Variants in CTNNA3 observed in about 807,000 individuals in gnomAD.
CTNNA3 encodes catenin alpha 3.
In CTNNA3, 76 loss-of-function variants were observed where a neutral mutation model predicts 95.7. The ratio of observed to expected loss-of-function variants is 0.79; its 90% CI spans 0.66 to 0.96. CTNNA3 has a LOEUF of 0.96. Among genes scored for constraint, CTNNA3 ranks in the 40% least tolerant of loss-of-function variants. The pLI, the probability that CTNNA3 is intolerant of heterozygous loss-of-function variation, is 0.00. For missense variants in CTNNA3, 1,191 were observed against 1,089.8 expected (o/e 1.09, Z -1.31); for synonymous variants, 431 against 374.4 (o/e 1.15, Z -1.74).
intron 1 of CTNNA3, chr10:67,648,888 T>C: frequency 1.1e-6 from 1 of 901,426 alleles, no homozygotes. Context: ...CAAATGCATT[T>C]CTAGAACTGA....
At chr10:66,178,522 T>A (rs2085864782) in intron 13 of CTNNA3, among the ~76,000 whole-genome samples, 2 of 144,530 alleles carry the variant, frequency 1.4e-5, no homozygotes, top group East Asian at 4.1e-4. Context: ...GTTCTTAAAC[T>A]TGACAGCAGA....
At chr10:66,823,018 A>T (rs544867393) in intron 7 of CTNNA3, among the ~76,000 whole-genome samples, 18 of 152,328 alleles carry the variant, frequency 1.2e-4, no homozygotes, top group African/African-American at 4.3e-4. Flanking sequence ...AGACAACTAC[A>T]ATTACCACCC....
In CTNNA3 at chr10:67,491,407, G is replaced by A. The variant is rs117534310; in HGVS notation, c.579+30435C>T. ...AGGAGAAACACATACAGTATGACAAGTGATGGGATAAAAGTATACAGGAAA... is the reference window on the plus strand; with the variant it reads ...AGGAGAAACACATACAGTATGACAAATGATGGGATAAAAGTATACAGGAAA... On this transcript the variant is annotated intron_variant, in intron 5 of 17. Transcript: ENST00000433211. Among the ~76,000 whole-genome samples the A allele has an allele frequency of 9.2e-5, 14 of 152,292 alleles. No homozygotes were observed. In the East Asian group the frequency reaches 1.7e-3, roughly 19 times the overall value.
intron 7 of CTNNA3, among the ~76,000 whole-genome samples, chr10:66,831,191 T>C (rs1387653897): frequency 6.6e-6 from 1 of 152,172 alleles, no homozygotes; most frequent in African/African-American, 2.4e-5. Context: ...ATGGTCTTTT[T>C]AAAATGAAAA....
At chr10:66,521,879 T>A (rs1474924047) in intron 10 of CTNNA3, among the ~76,000 whole-genome samples, 1 of 152,178 alleles carries the variant, frequency 6.6e-6, no homozygotes, top group Non-Finnish European at 1.5e-5. Flanking sequence ...CAATTCAGGA[T>A]CTTGGTCCCA....
intron 9 of CTNNA3, among the ~76,000 whole-genome samples, chr10:66,696,483 A>G (rs1847768496): frequency 6.6e-6 from 1 of 152,202 alleles, no homozygotes; most frequent in South Asian, 2.1e-4. Context: ...ATGCCTTTAA[A>G]GTGAACTAAC....
At chr10:66,767,451 C>A (rs1375868157) in intron 8 of CTNNA3, among the ~76,000 whole-genome samples, 2 of 68,718 alleles carry the variant, frequency 2.9e-5, no homozygotes, top group African/African-American at 7.2e-5. Context: ...ATCCACTCCC[C>A]CCGACAAAAA....
At chr10:66,920,935 A>T (rs1846753249) in intron 7 of CTNNA3, among the ~76,000 whole-genome samples, 1 of 152,158 alleles carries the variant, frequency 6.6e-6, no homozygotes, top group Admixed American at 6.5e-5. Flanking sequence ...TGGCCCAAAC[A>T]CCATCATCTA....
At chr10:66,421,748 A>C (rs1422572507) in intron 11 of CTNNA3, among the ~76,000 whole-genome samples, 1 of 150,618 alleles carries the variant, frequency 6.6e-6, no homozygotes, top group Non-Finnish European at 1.5e-5. Context: ...AGGCAAAGAA[A>C]TGGCTGAACC....
intron 12 of CTNNA3, among the ~76,000 whole-genome samples, chr10:66,308,392 A>T (rs2091959409): frequency 6.6e-6 from 1 of 152,096 alleles, no homozygotes; most frequent in Admixed American, 6.6e-5. Context: ...AACAGAATTC[A>T]CTCCTGTTTA....
intron 9 of CTNNA3, among the ~76,000 whole-genome samples, chr10:66,738,775 C>T (rs1465499692): frequency 6.6e-6 from 1 of 152,182 alleles, no homozygotes; most frequent in African/African-American, 2.4e-5. Flanking sequence ...TGTATCATCT[C>T]CTGTTTCCCT....
chr10:67,342,053 T>C (rs1842214851), intron 5 of CTNNA3, among the ~76,000 whole-genome samples: 1 of 150,702 alleles, frequency 6.6e-6, no homozygotes, highest in Non-Finnish European at 1.5e-5. Context: ...TGATTCGTAG[T>C]TTCCCAGTAT....
At chr10:67,038,690 A>C (rs114918817) in intron 7 of CTNNA3, among the ~76,000 whole-genome samples, 1,836 of 152,186 alleles carry the variant, frequency 0.012, 47 homozygotes, top group African/African-American at 0.042. Flanking sequence ...ATCAATTCCT[A>C]AGGTGAAACA....
At chr10:66,978,552 A>AATATATATATATATATATAT (rs1554890349) in intron 7 of CTNNA3, among the ~76,000 whole-genome samples, 7 of 37,874 alleles carry the variant, frequency 1.8e-4, no homozygotes, top group East Asian at 1.8e-3. Context: ...AAAAAAAAAA[A>AATATATATATATATATATAT]ATATATATAT....
chr10:66,216,141 CTTAG>C (rs903838296), intron 13 of CTNNA3, among the ~76,000 whole-genome samples: 2 of 152,238 alleles, frequency 1.3e-5, no homozygotes, highest in Non-Finnish European at 2.9e-5. Context: ...AAATCCTGCC[CTTAG>C]GCCAAACATC....
At chr10:67,558,239 C>G (rs571807173) in intron 3 of CTNNA3, among the ~76,000 whole-genome samples, 6 of 152,162 alleles carry the variant, frequency 3.9e-5, no homozygotes, top group African/African-American at 1.4e-4. Context: ...TAGTATGGTC[C>G]CTCCCAAATA....
chr10:67,535,067 C>T (rs1840449410), intron 4 of CTNNA3, among the ~76,000 whole-genome samples: 1 of 151,994 alleles, frequency 6.6e-6, no homozygotes, highest in African/African-American at 2.4e-5. Flanking sequence ...GTAAGTCATG[C>T]CAAACTAACT....
intron 7 of CTNNA3, among the ~76,000 whole-genome samples, chr10:67,049,845 T>C (rs1042532225): frequency 3.3e-5 from 5 of 152,218 alleles, no homozygotes; most frequent in African/African-American, 9.6e-5. Flanking sequence ...ATTACAAATA[T>C]AGTAATATAT....
chr10:66,291,865 T>C (rs2091687279), intron 12 of CTNNA3, among the ~76,000 whole-genome samples: 1 of 151,500 alleles, frequency 6.6e-6, no homozygotes, highest in Non-Finnish European at 1.5e-5. Flanking sequence ...CATATATATG[T>C]GTGTCTATAT....
Sources: gnomAD v4.1 joint callset for allele counts (sites outside exome capture counted in the v4.1 genomes callset) on GRCh38, gnomAD v4.1.1 for gene constraint, MANE v1.5 for transcripts, NCBI Gene and HGNC (gene_info 2026-07-23, HGNC 2026-07-21) for gene names.